ESR2: variants seen among roughly 807,000 people sequenced by gnomAD.
The protein encoded by ESR2 is estrogen receptor 2, also known as estrogen receptor beta.
A neutral mutation model predicts 49.6 loss-of-function variants in ESR2; 36 were observed. That is an observed-to-expected ratio of 0.73 (90% confidence interval 0.56 to 0.96). The LOEUF (loss-of-function observed/expected upper bound fraction) is 0.96. Among genes scored for constraint, ESR2 ranks in the 40% least tolerant of loss-of-function variants. The probability of loss-of-function intolerance (pLI) is 0.00; values close to 1 mark genes in which losing one functional copy is unlikely to be tolerated. For missense variants in ESR2, 714 were observed against 693.0 expected (o/e 1.03, Z -0.34); for synonymous variants, 320 against 266.1 (o/e 1.20, Z -1.97).
chr14:64,331,405 T>C (rs774160515), intron 1 of ESR2, among the ~76,000 whole-genome samples: 7 of 152,212 alleles, frequency 4.6e-5, no homozygotes, highest in Non-Finnish European at 5.9e-5. Context: ...CAGTGATGGA[T>C]ATTTTGACAC....
chr14:64,228,691 C>T lies in ESR2; in HGVS notation c.*4446G>A, dbSNP rs1449445676. On this transcript the variant is annotated 3_prime_UTR_variant, in exon 9 of 9. Transcript: ENST00000341099. The stretch of plus-strand genomic sequence containing the variant: ...CATTGTACAGTTAACAGGAACTGTT[C>T]GCGGCTGGTATCACCACTCCTTATG... 3.3e-5 allele frequency among the ~76,000 whole-genome samples: 5 copies of T among 152,174 alleles called. No homozygotes were observed. The highest frequency in any genetic ancestry group is 9.7e-5 in the African/African-American group (4 of 41,434).
exon 1 of ESR2, chr14:64,338,077 G>A (rs1295857282): frequency 6.5e-6 from 1 of 154,928 alleles, no homozygotes; most frequent in Non-Finnish European, 1.5e-5. Context: ...ACGCCTACGA[G>A]GAGGGAGCGT....
rs2098726277 is a variant in ESR2 at position 64,230,640 on chromosome 14, C to A, written c.*2497G>T. Among the ~76,000 whole-genome samples, 1 of 151,856 alleles carries A rather than the reference C, an allele frequency of 6.6e-6. No homozygotes were observed. The highest frequency in any genetic ancestry group is 6.6e-5 in the Admixed American group (1 of 15,230). ...AATCCCTTCAAGACTATTTTAGGGT[C>A]AAGTCTTTTGTAGTCAGTCCTGGTG... On this transcript the variant is annotated 3_prime_UTR_variant, in exon 9 of 9. Coordinates refer to ENST00000341099, the MANE Select transcript of ESR2 (RefSeq NM_001437.3).
intron 7 of ESR2, among the ~76,000 whole-genome samples, chr14:64,246,764 A>C (rs964702312): frequency 7.0e-6 from 1 of 141,852 alleles, no homozygotes; most frequent in Non-Finnish European, 1.5e-5. Context: ...AAAAAAAAAA[A>C]AAACACACCT....
At chr14:64,323,884 G>A (rs2077357235) in intron 1 of ESR2, among the ~76,000 whole-genome samples, 1 of 152,058 alleles carries the variant, frequency 6.6e-6, no homozygotes, top group East Asian at 1.9e-4. Flanking sequence ...TAGAGACAGG[G>A]TTTCTCCATG....
intron 4 of ESR2, 139 bp from the exon 5 acceptor site, chr14:64,260,887 G>A (rs906535324): frequency 2.9e-6 from 2 of 684,426 alleles, no homozygotes; most frequent in Non-Finnish European, 4.2e-6. Context: ...CAAAACCAAC[G>A]ACATAACTTT....
intron 1 of ESR2, among the ~76,000 whole-genome samples, chr14:64,334,463 A>G (rs995252617): frequency 9.9e-5 from 15 of 152,194 alleles, no homozygotes; most frequent in South Asian, 2.1e-4. Context: ...TTCTCATGAC[A>G]AGGCAGCTGC....
intron 1 of ESR2, among the ~76,000 whole-genome samples, chr14:64,320,604 T>C (rs1213556913): frequency 6.6e-6 from 1 of 152,070 alleles, no homozygotes; most frequent in Non-Finnish European, 1.5e-5. Flanking sequence ...TTAATAATAA[T>C]GTATCAGGCT....
intron 3 of ESR2, among the ~76,000 whole-genome samples, chr14:64,275,399 C>A (rs2076537936): frequency 6.6e-6 from 1 of 152,078 alleles, no homozygotes; most frequent in South Asian, 2.1e-4. Flanking sequence ...TATAGCCACT[C>A]CTGCTCTTTT....
At chr14:64,273,035 C>G (rs2076481311) in intron 3 of ESR2, among the ~76,000 whole-genome samples, 1 of 151,952 alleles carries the variant, frequency 6.6e-6, no homozygotes, top group South Asian at 2.1e-4. Context: ...ATTTCTTTCA[C>G]CAGTGTTTTA....
rs117667851 is a variant in ESR2 at position 64,255,888 on chromosome 14, G to A, written c.1091+1338C>T. Among the ~76,000 whole-genome samples, 312 of 152,318 alleles carry A rather than the reference G, an allele frequency of 2.0e-3. 3 individuals are homozygous for A. The highest frequency in any genetic ancestry group is 3.5e-3 in the Non-Finnish European group (239 of 68,032). On this transcript the variant is annotated intron_variant, in intron 6 of 8. Coordinates refer to ENST00000341099, the MANE Select transcript of ESR2 (RefSeq NM_001437.3). The stretch of plus-strand genomic sequence containing the variant: ...CATCAGTCCTCCAGCTCTTCTCAGA[G>A]GATCTGTTCTCTATCAAAACACCAT...
intron 1 of ESR2, among the ~76,000 whole-genome samples, chr14:64,290,077 T>C (rs1472015274): frequency 6.6e-6 from 1 of 152,150 alleles, no homozygotes; most frequent in Non-Finnish European, 1.5e-5. Context: ...TTATTAGCTT[T>C]TTTGGGGGGT....
At chr14:64,256,660 C>T (rs889403612) in intron 6 of ESR2, among the ~76,000 whole-genome samples, 2 of 151,850 alleles carry the variant, frequency 1.3e-5, no homozygotes, top group East Asian at 1.9e-4. Flanking sequence ...ATCCGGTAGG[C>T]GGAGGTTGCA....
At chr14:64,241,605 T>C (rs1275178618) in intron 7 of ESR2, among the ~76,000 whole-genome samples, 1 of 152,228 alleles carries the variant, frequency 6.6e-6, no homozygotes, top group African/African-American at 2.4e-5. Flanking sequence ...CCTTCAGCTA[T>C]ATTTTGCAGT....
chr14:64,255,391 C>T (rs914457773), intron 6 of ESR2, among the ~76,000 whole-genome samples: 14 of 152,042 alleles, frequency 9.2e-5, no homozygotes, highest in Non-Finnish European at 1.3e-4. Context: ...GCCTGCCTTG[C>T]GACATGGTAC....
intron 7 of ESR2, among the ~76,000 whole-genome samples, chr14:64,245,318 C>G (rs2075826581): frequency 6.6e-6 from 1 of 151,946 alleles, no homozygotes; most frequent in Admixed American, 6.6e-5. Context: ...TCGAGACCAG[C>G]CTGGCCAACA....
intron 1 of ESR2, among the ~76,000 whole-genome samples, chr14:64,316,010 T>C (rs2077250651): frequency 6.6e-6 from 1 of 151,846 alleles, no homozygotes; most frequent in Non-Finnish European, 1.5e-5. Context: ...TATAATTTAT[T>C]TTTACTTTTT....
chr14:64,249,065 G>C lies in ESR2; in HGVS notation c.1225+481C>G, dbSNP rs191245198. Among the ~76,000 whole-genome samples, 784 of 152,166 alleles carry C rather than the reference G, an allele frequency of 5.2e-3. 2 individuals are homozygous for C. Among genetic ancestry groups the C allele is most frequent in the Non-Finnish European group, 7.8e-3 (531 of 68,004 alleles). On this transcript the variant is annotated intron_variant, in intron 7 of 8. Transcript: ENST00000341099. ...TCCTCCTATTTTCCCGTAGTATTTT[G>C]TGTAGACTTTATCATAGCACAGAAA...
chr14:64,290,087 T>TG (rs2076847022), intron 1 of ESR2, among the ~76,000 whole-genome samples: 1 of 151,820 alleles, frequency 6.6e-6, no homozygotes, highest in Admixed American at 6.6e-5. Flanking sequence ...TTTTGGGGGG[T>TG]GGGGGTTATA....
Sources: gnomAD v4.1 joint callset for allele counts (sites outside exome capture counted in the v4.1 genomes callset) on GRCh38, gnomAD v4.1.1 for gene constraint, MANE v1.5 for transcripts, NCBI Gene and HGNC (gene_info 2026-07-23, HGNC 2026-07-21) for gene names.